The following AGMO variants were observed in gnomAD, a reference collection of about 807,000 sequenced individuals.
AGMO encodes the protein alkylglycerol monooxygenase.
In AGMO, 75 loss-of-function variants were observed where a neutral mutation model predicts 60.2. The ratio of observed to expected loss-of-function variants is 1.25; its 90% CI spans 1.03 to 1.51. The LOEUF is 1.51. AGMO is among the 40% of genes most tolerant of loss of function. AGMO has a pLI of 0.00. For missense variants in AGMO, 763 were observed against 525.5 expected, an observed-to-expected ratio of 1.45 and a Z score of -4.42; for synonymous variants, 261 against 177.1, an observed-to-expected ratio of 1.47 and a Z score of -3.76.
intron 12 of AGMO, among the ~76,000 whole-genome samples, chr7:15,245,666 C>T (rs562487891): frequency 9.9e-5 from 15 of 152,228 alleles, no homozygotes; most frequent in African/African-American, 3.4e-4. Context: ...GAACAATTTT[C>T]GCTACTAAAA....
At chr7:15,412,684 T>TAAAAAAAAAAAAAAAAAAAAAAAAAAA in intron 5 of AGMO, among the ~76,000 whole-genome samples, 1 of 111,374 alleles carries the variant, frequency 9.0e-6, no homozygotes, top group Non-Finnish European at 1.8e-5. Flanking sequence ...TTTCATTATT[T>TAAAAAAAAAAAAAAAAAAAAAAAAAAA]AAAAAAAAAA....
intron 12 of AGMO, among the ~76,000 whole-genome samples, chr7:15,345,432 C>A (rs1206613430): frequency 6.6e-6 from 1 of 152,152 alleles, no homozygotes; most frequent in African/African-American, 2.4e-5. Flanking sequence ...AGATACAAAT[C>A]ATCACCTCAG....
intron 12 of AGMO, among the ~76,000 whole-genome samples, chr7:15,233,248 T>A (rs1583313243): frequency 6.6e-6 from 1 of 152,208 alleles, no homozygotes; most frequent in African/African-American, 2.4e-5. Flanking sequence ...ATGAAAAGCA[T>A]GTTAAAATCT....
intron 3 of AGMO, among the ~76,000 whole-genome samples, chr7:15,538,968 AGG>A (rs889306721): frequency 6.6e-6 from 1 of 152,162 alleles, no homozygotes; most frequent in African/African-American, 2.4e-5. Context: ...TTACAGTTTG[AGG>A]GGATATTATG....
At chr7:15,249,534 C>A (rs1215838398) in intron 12 of AGMO, among the ~76,000 whole-genome samples, 1 of 152,092 alleles carries the variant, frequency 6.6e-6, no homozygotes, top group African/African-American at 2.4e-5. Flanking sequence ...TTAATCAGGG[C>A]AGAAGGATAT....
At position 15,430,925 on chromosome 7, in the gene AGMO, T is replaced by C. The variant is rs568475279; in HGVS notation, c.513+80A>G. ...GTAAAACACCTTCTATTAGTTTTTT[T>C]TTTTTTTTGAGGAAATAGAAATAGC... On this transcript the variant is annotated intron_variant, in intron 4 of 12. Coordinates refer to ENST00000342526, the MANE Select transcript of AGMO (RefSeq NM_001004320.2). 7.1e-6 allele frequency: 5 copies of C among 707,564 alleles called. No individual in the cohort carries two copies. The Admixed American group carries it at 1.8e-4, about 26-fold the overall frequency. The allele number at this position is 707,564 out of a possible 1,614,324, so 43.8% of individuals were successfully genotyped here.
chr7:15,213,256 G>GA (rs1394015635), intron 12 of AGMO, among the ~76,000 whole-genome samples: 1 of 151,432 alleles, frequency 6.6e-6, no homozygotes, highest in Admixed American at 6.6e-5. Flanking sequence ...TGATATCCTA[G>GA]AAAAAACATT....
chr7:15,151,369 G>C, the AGMO span, among the ~76,000 whole-genome samples: 4 of 151,770 alleles, frequency 2.6e-5, no homozygotes, highest in Non-Finnish European at 5.9e-5. Flanking sequence ...GCTAGCTTTG[G>C]GGTTGGTTTG....
At chr7:15,239,311 T>C (rs566437890) in intron 12 of AGMO, among the ~76,000 whole-genome samples, 11 of 152,194 alleles carry the variant, frequency 7.2e-5, no homozygotes, top group African/African-American at 2.6e-4. Flanking sequence ...ATGCAAAGGA[T>C]TTAAAACTTA....
Position 15,333,623 on chromosome 7 carries a change from G to GA in AGMO, c.1263+31890dup, listed in dbSNP as rs202025955. 7.7e-5 allele frequency among the ~76,000 whole-genome samples: 11 copies of GA among 143,752 alleles called. No homozygotes were observed. The East Asian group carries it at 8.2e-4, about 11-fold the overall frequency. 94.3% of individuals were successfully genotyped at this position (143,752 alleles called of 152,430 possible). On this transcript the variant is annotated intron_variant, in intron 12 of 12. Transcript: ENST00000342526. Reference sequence around the variant, plus strand: ...AATTTAAAAAAAAAAAAAAAAGAAAGAAAAAAAATAAAAAGAATGTTTCTG... The same window carrying GA: ...AATTTAAAAAAAAAAAAAAAAGAAAGAAAAAAAAATAAAAAGAATGTTTCTG...
At chr7:15,196,784 AAAG>A (rs1468156747), downstream of AGMO, among the ~76,000 whole-genome samples, 1 of 152,208 alleles carries the variant, frequency 6.6e-6, no homozygotes, top group Non-Finnish European at 1.5e-5. Flanking sequence ...TAAAATGAAG[AAAG>A]AACATGCCCA....
chr7:15,381,622 TCAAAGA>T (rs1035743005), intron 10 of AGMO, among the ~76,000 whole-genome samples: 10 of 152,080 alleles, frequency 6.6e-5, no homozygotes, highest in Admixed American at 1.3e-4. Context: ...GTGGAATTCC[TCAAAGA>T]CAAAGACAGG....
chr7:15,212,516 C>T (rs1192056182), intron 12 of AGMO, among the ~76,000 whole-genome samples: 1 of 151,738 alleles, frequency 6.6e-6, no homozygotes, highest in Non-Finnish European at 1.5e-5. Context: ...GTAGAATTAT[C>T]TTTATAATGT....
intron 3 of AGMO, among the ~76,000 whole-genome samples, chr7:15,507,308 C>CA (rs539344935): frequency 3.3e-5 from 5 of 151,630 alleles, no homozygotes; most frequent in East Asian, 1.9e-4. Context: ...ACTAACATTG[C>CA]AAAAAAAGGA....
At chr7:15,374,328 G>A (rs539656003) in intron 10 of AGMO, among the ~76,000 whole-genome samples, 180 of 152,140 alleles carry the variant, frequency 1.2e-3, no homozygotes, top group Non-Finnish European at 2.2e-3. Context: ...TTTCAAGCAA[G>A]AAGCAAACAT....
At chr7:15,196,545 T>C (rs1050871685), downstream of AGMO, among the ~76,000 whole-genome samples, 1 of 152,224 alleles carries the variant, frequency 6.6e-6, no homozygotes, top group Non-Finnish European at 1.5e-5. Flanking sequence ...CAAGAGAAGT[T>C]CTCCTTCATT....
intron 12 of AGMO, among the ~76,000 whole-genome samples, chr7:15,348,143 T>C (rs1412701506): frequency 1.3e-5 from 2 of 152,048 alleles, no homozygotes; most frequent in Non-Finnish European, 2.9e-5. Flanking sequence ...AGAATCCCTA[T>C]TGACATGTAA....
chr7:15,307,473 T>C (rs1780649679), intron 12 of AGMO, among the ~76,000 whole-genome samples: 1 of 151,972 alleles, frequency 6.6e-6, no homozygotes, highest in Non-Finnish European at 1.5e-5. Flanking sequence ...CTCTAGTTGA[T>C]TTGTTTTAAA....
chr7:15,143,695 T>C, the AGMO span, among the ~76,000 whole-genome samples: 14 of 151,740 alleles, frequency 9.2e-5, no homozygotes, highest in African/African-American at 3.1e-4. Flanking sequence ...TGTCTTTTTT[T>C]TTTTTTTTTA....
Sources: allele counts gnomAD v4.1 joint callset (sites outside exome capture counted in the v4.1 genomes callset), GRCh38; gene constraint gnomAD v4.1.1; transcripts MANE v1.5; gene names NCBI Gene and HGNC (gene_info 2026-07-23, HGNC 2026-07-21).